The following MAK variants were observed in gnomAD, a reference collection of about 807,000 sequenced individuals.
MAK encodes the protein male germ cell associated kinase.
A neutral mutation model predicts 82.6 loss-of-function variants in MAK; 65 were observed. The ratio of observed to expected loss-of-function variants is 0.79; its 90% CI spans 0.64 to 0.97. The LOEUF (loss-of-function observed/expected upper bound fraction) is 0.97. MAK is among the 50% of genes least tolerant of loss of function. The probability of loss-of-function intolerance (pLI) is 0.00; values close to 1 mark genes in which losing one functional copy is unlikely to be tolerated. For synonymous variants in MAK, 250 were observed against 274.2 expected (o/e 0.91, Z 0.87); for missense variants, 703 against 780.2 (o/e 0.90, Z 1.18).
chr6:10,811,051 T>G (rs1304222019), intron 5 of MAK, among the ~76,000 whole-genome samples: 1 of 152,226 alleles, frequency 6.6e-6, no homozygotes, highest in Non-Finnish European at 1.5e-5. Context: ...CAGGCTGGAG[T>G]GCAGTGGCAT....
rs1773447864 is a variant in MAK, at chr6:10,776,237, T to C, written c.1466-778A>G. 6.6e-6 allele frequency among the ~76,000 whole-genome samples: 1 copy of C among 152,146 alleles called. No homozygotes were observed. The highest frequency in any genetic ancestry group is 6.5e-5 in the Admixed American group (1 of 15,272). ...TCCACCTGAAACGCTTATTTGTATA[T>C]GAGATACAGTAAAATGGAAACAGTT... On this transcript the variant is annotated intron_variant, in intron 11 of 14. Transcript: ENST00000354489. This position sits in a 1 kb window ranked among gnomAD's most constrained non-coding sequence, Gnocchi z 4.3.
intron 1 of MAK, among the ~76,000 whole-genome samples, chr6:10,831,221 A>G (rs1405446187): frequency 6.6e-6 from 1 of 152,178 alleles, no homozygotes. Flanking sequence ...CAATTTTTGT[A>G]TCATATTTAA....
chr6:10,831,721 G>A (rs1310967727), intron 1 of MAK, among the ~76,000 whole-genome samples: 1 of 152,014 alleles, frequency 6.6e-6, no homozygotes, highest in Non-Finnish European at 1.5e-5. Flanking sequence ...ACTCCATCCT[G>A]GGTGACAGAG....
intron 2 of MAK, among the ~76,000 whole-genome samples, chr6:10,824,983 A>T (rs115486984): frequency 6.6e-6 from 1 of 152,222 alleles, no homozygotes; most frequent in East Asian, 1.9e-4. Flanking sequence ...GTAAATACTC[A>T]CTCTCTCAGC....
chr6:10,771,732 G>A (rs1773040388), intron 13 of MAK, among the ~76,000 whole-genome samples: 1 of 152,218 alleles, frequency 6.6e-6, no homozygotes, highest in Non-Finnish European at 1.5e-5. Context: ...CCCCTAAAGG[G>A]TTACATACAG....
intron 2 of MAK, among the ~76,000 whole-genome samples, chr6:10,829,512 G>A (rs1176662962): frequency 1.1e-4 from 16 of 152,156 alleles, no homozygotes; most frequent in Admixed American, 1.0e-3. Context: ...ACTGCAGTGA[G>A]CCATGATCAC....
intron 11 of MAK, among the ~76,000 whole-genome samples, chr6:10,777,487 T>C (rs1409325522): frequency 3.9e-5 from 6 of 152,122 alleles, no homozygotes; most frequent in Non-Finnish European, 8.8e-5. Flanking sequence ...GTGAACACAG[T>C]TGTCATAACA....
At chr6:10,791,906 C>T in intron 9 of MAK, 59 bp from the exon 10 acceptor site, 1 of 1,550,694 alleles carries the variant, frequency 6.4e-7, no homozygotes, top group Non-Finnish European at 8.9e-7. Context: ...CTTTCATGCA[C>T]AAGCTACTAT....
chr6:10,791,830 C>T lies in MAK; in HGVS notation c.1161G>A (p.Leu387=). The T allele has an allele frequency of 6.2e-7, 1 of 1,614,132 alleles. No homozygotes were observed. The highest frequency in any genetic ancestry group is 1.3e-5 in the African/African-American group (1 of 75,032). ...AACGCCTCCTACCACTTTTATGACT[C>T]AGTGTGCCATTTGGCTTCTGTGGTG... The part of the protein sequence containing the change: ...KNMPTKPNGT[L]SHKSGRRRWG... The change falls in exon 10 of 15, where the codon CTG becomes CTA. Residue 387 remains leucine (L), a synonymous_variant. Transcript: ENST00000354489.
At chr6:10,809,529 G>T (rs1028917875) in intron 5 of MAK, among the ~76,000 whole-genome samples, 1 of 152,090 alleles carries the variant, frequency 6.6e-6, no homozygotes, top group African/African-American at 2.4e-5. Flanking sequence ...GTTTTGCCAC[G>T]TCACCCAGGC....
intron 14 of MAK, among the ~76,000 whole-genome samples, chr6:10,766,434 C>T (rs1461709005): frequency 6.6e-6 from 1 of 152,208 alleles, no homozygotes; most frequent in African/African-American, 2.4e-5. Context: ...CTCCCCACTC[C>T]ATGGTTTGAC....
intron 2 of MAK, among the ~76,000 whole-genome samples, chr6:10,829,357 G>C (rs552135489): frequency 6.6e-6 from 1 of 152,248 alleles, no homozygotes; most frequent in African/African-American, 2.4e-5. Flanking sequence ...ATCTGATTTT[G>C]AGACCTTGTT....
At chr6:10,765,579 C>T (rs145392941) in intron 14 of MAK, among the ~76,000 whole-genome samples, 2,338 of 151,856 alleles carry the variant, frequency 0.015, 56 homozygotes, top group African/African-American at 0.052. Context: ...CTTGCCTCAG[C>T]CTTCTGAGCA....
intron 2 of MAK, among the ~76,000 whole-genome samples, chr6:10,819,588 C>T (rs937473362): frequency 5.9e-5 from 9 of 151,802 alleles, no homozygotes; most frequent in African/African-American, 1.2e-4. Context: ...GCCAAGATTG[C>T]GCCACTGCAC....
chr6:10,802,089 G>T (rs1003797281), intron 7 of MAK, 30 bp from the exon 8 acceptor site: 1 of 1,600,498 alleles, frequency 6.2e-7, no homozygotes, highest in African/African-American at 1.3e-5. Context: ...GTGCAGGTGG[G>T]GAGGGCAAAA....
rs2127590453 is a variant in MAK at position 10,830,536 on chromosome 6, C to T, written c.101+12G>A. Reference sequence around the variant, plus strand: ...TTTTCAAAGGTGAAGTTGGCAGTGTCACACACAGTACCTTTTGATGGCCAC... The same window carrying T: ...TTTTCAAAGGTGAAGTTGGCAGTGTTACACACAGTACCTTTTGATGGCCAC... On this transcript the variant is annotated intron_variant, in intron 2 of 14. Transcript: ENST00000354489. The T allele has an allele frequency of 1.2e-6, 2 of 1,605,090 alleles. No individual in the cohort carries two copies. The highest frequency in any genetic ancestry group is 1.7e-6 in the Non-Finnish European group (2 of 1,171,782).
At chr6:10,824,143 T>C (rs919782474) in intron 2 of MAK, among the ~76,000 whole-genome samples, 6 of 152,196 alleles carry the variant, frequency 3.9e-5, no homozygotes, top group African/African-American at 1.4e-4. Flanking sequence ...TCATTCAGAC[T>C]TGAGGAGTAA....
At chr6:10,822,064 G>A (rs1351278767) in intron 2 of MAK, among the ~76,000 whole-genome samples, 7 of 145,168 alleles carry the variant, frequency 4.8e-5, no homozygotes, top group South Asian at 4.6e-4. Context: ...GGAGAATGGC[G>A]TGAACTCGGG....
chr6:10,818,865 T>C (rs756998330), intron 3 of MAK, 21 bp downstream of exon 3: 115 of 1,465,512 alleles, frequency 7.8e-5, no homozygotes, highest in Non-Finnish European at 1.0e-4. Context: ...TCTCAGGTTC[T>C]TTTCATCTTT....
Sources: allele counts gnomAD v4.1 joint callset (sites outside exome capture counted in the v4.1 genomes callset), GRCh38; gene constraint gnomAD v4.1.1; non-coding constraint Gnocchi (gnomAD v3.1); transcripts MANE v1.5; gene names NCBI Gene and HGNC (gene_info 2026-07-23, HGNC 2026-07-21).